The following DLG2 variants were observed in gnomAD, a reference collection of about 807,000 sequenced individuals.
DLG2 encodes discs large MAGUK scaffold protein 2, also known as disks large homolog 2.
A neutral mutation model predicts 132.5 loss-of-function variants in DLG2; 45 were observed. That is an observed-to-expected ratio of 0.34 (90% confidence interval 0.27 to 0.44). The LOEUF is 0.44. Among genes scored for constraint, DLG2 ranks in the 20% least tolerant of loss-of-function variants. The pLI is 1.00. For synonymous variants in DLG2, 424 were observed against 419.6 expected (o/e 1.01, Z -0.13); for missense variants, 1,045 against 1,196.9 (o/e 0.87, Z 1.87).
chr11:84,441,877 C>G (rs994039374), intron 7 of DLG2, among the ~76,000 whole-genome samples: 1 of 152,282 alleles, frequency 6.6e-6, no homozygotes, highest in South Asian at 2.1e-4. Flanking sequence ...AATAGGGGAT[C>G]CTTTCCCCAT....
intron 9 of DLG2, among the ~76,000 whole-genome samples, chr11:84,116,777 A>T (rs1007056245): frequency 2.0e-5 from 3 of 152,236 alleles, no homozygotes; most frequent in Non-Finnish European, 4.4e-5. Context: ...ATATATAAAC[A>T]TAAAATGACA....
At chr11:85,338,174 A>G (rs1443050096) in intron 3 of DLG2, among the ~76,000 whole-genome samples, 2 of 152,210 alleles carry the variant, frequency 1.3e-5, no homozygotes, top group Non-Finnish European at 2.9e-5. Flanking sequence ...ATCTTAAATG[A>G]AAATTATATT....
Position 83,643,184 on chromosome 11 carries a change from C to T in DLG2, c.1826-9859G>A, listed in dbSNP as rs553866898. On this transcript the variant is annotated intron_variant, in intron 18 of 27. Coordinates refer to ENST00000376104, the MANE Select transcript of DLG2 (RefSeq NM_001142699.3). ...ATGCAGTTTTTTAAAAATATCCCAA[C>T]CTGCCTACACAACTACTTCCTCTCT... Among the ~76,000 whole-genome samples the T allele has an allele frequency of 2.6e-5, 4 of 151,888 alleles. No homozygotes were observed. In the East Asian group the frequency reaches 7.8e-4, roughly 29 times the overall value.
chr11:84,930,571 T>C (rs930951204), intron 6 of DLG2, among the ~76,000 whole-genome samples: 1 of 152,076 alleles, frequency 6.6e-6, no homozygotes, highest in East Asian at 1.9e-4. Flanking sequence ...TTCCACTTAG[T>C]AGATAGTTGC....
intron 14 of DLG2, among the ~76,000 whole-genome samples, chr11:83,936,608 TGAG>T (rs1341184700): frequency 1.3e-5 from 2 of 152,232 alleles, no homozygotes; most frequent in African/African-American, 4.8e-5. Flanking sequence ...CTGTGTTTAT[TGAG>T]GAGTTTATTG....
chr11:84,937,817 A>C (rs1426150541), intron 6 of DLG2, among the ~76,000 whole-genome samples: 1 of 152,218 alleles, frequency 6.6e-6, no homozygotes, highest in Non-Finnish European at 1.5e-5. Context: ...AAAATCTATA[A>C]TATTTTGACA....
chr11:84,876,220 A>G (rs1198761270), intron 6 of DLG2, among the ~76,000 whole-genome samples: 2 of 152,136 alleles, frequency 1.3e-5, no homozygotes, highest in Non-Finnish European at 2.9e-5. Context: ...GTGTTGGCTG[A>G]TAAGAAATAA....
intron 3 of DLG2, among the ~76,000 whole-genome samples, chr11:85,496,931 C>T (rs1036416146): frequency 6.6e-6 from 1 of 152,078 alleles, no homozygotes; most frequent in African/African-American, 2.4e-5. Flanking sequence ...AAGTCATTGA[C>T]TTTAAAGACC....
At chr11:84,214,013 C>T (rs1566950327) in intron 8 of DLG2, among the ~76,000 whole-genome samples, 1 of 151,174 alleles carries the variant, frequency 6.6e-6, no homozygotes, top group African/African-American at 2.4e-5. Context: ...CTGCTGATCA[C>T]ACCCACAGAG....
chr11:84,645,451 A>G (rs2099673537), intron 6 of DLG2, among the ~76,000 whole-genome samples: 2 of 152,024 alleles, frequency 1.3e-5, no homozygotes, highest in Admixed American at 1.3e-4. Context: ...TTAAGTGACC[A>G]TCCATAATTA....
intron 6 of DLG2, among the ~76,000 whole-genome samples, chr11:84,553,454 T>TG (rs1252816657): frequency 6.6e-6 from 1 of 152,188 alleles, no homozygotes; most frequent in African/African-American, 2.4e-5. Flanking sequence ...CATGTTAGAA[T>TG]CAATACAATA....
chr11:84,531,191 G>A (rs11234068), intron 7 of DLG2, among the ~76,000 whole-genome samples: 14,132 of 152,176 alleles, frequency 0.093, 799 homozygotes, highest in South Asian at 0.17. Flanking sequence ...AGATGGAGCC[G>A]AAGGCCATTA....
At chr11:84,097,085 C>T (rs1031528731) in intron 10 of DLG2, among the ~76,000 whole-genome samples, 1 of 152,108 alleles carries the variant, frequency 6.6e-6, no homozygotes, top group Non-Finnish European at 1.5e-5. Context: ...GCTTACATTT[C>T]GCTCCTTAAG....
Position 83,467,767 on chromosome 11 carries a change from ATATG to A in DLG2, c.2620-954_2620-951del, listed in dbSNP as rs61514748. On this transcript the variant is annotated intron_variant, in intron 25 of 27. Transcript: ENST00000376104. ...TGCCATCTCAAAAAAAATAAAAACT[ATATG>A]TATATATATATATATATATATATAT... is the stretch of plus-strand genomic sequence containing the variant. Among the ~76,000 whole-genome samples the A allele has an allele frequency of 5.6e-3, 365 of 65,244 alleles. 9 individuals carry two copies. Among genetic ancestry groups the A allele is most frequent in the African/African-American group, 0.031 (336 of 11,006 alleles). 42.8% of individuals were successfully genotyped at this position (65,244 alleles called of 152,430 possible).
chr11:85,446,107 T>C (rs1253876987), intron 3 of DLG2, among the ~76,000 whole-genome samples: 3 of 152,220 alleles, frequency 2.0e-5, no homozygotes, highest in Admixed American at 6.5e-5. Flanking sequence ...AGACCCTAAA[T>C]TAATCTACCT....
intron 6 of DLG2, among the ~76,000 whole-genome samples, chr11:84,594,203 G>C (rs1317704131): frequency 6.6e-6 from 1 of 152,144 alleles, no homozygotes; most frequent in African/African-American, 2.4e-5. Context: ...AACAAGCAAT[G>C]ATCTGATTTC....
intron 6 of DLG2, among the ~76,000 whole-genome samples, chr11:84,786,490 G>A (rs558762437): frequency 5.9e-4 from 90 of 152,284 alleles, no homozygotes; most frequent in African/African-American, 1.9e-3. Context: ...AGAACTACTA[G>A]AAACTACAGG....
At chr11:83,998,949 C>G (rs55790292) in intron 11 of DLG2, among the ~76,000 whole-genome samples, 4,069 of 152,232 alleles carry the variant, frequency 0.027, 175 homozygotes, top group African/African-American at 0.093. Context: ...CTATTGGGGA[C>G]TGAAGCATAA....
intron 6 of DLG2, among the ~76,000 whole-genome samples, chr11:84,995,104 C>T (rs1211850387): frequency 6.6e-6 from 1 of 152,130 alleles, no homozygotes; most frequent in African/African-American, 2.4e-5. Flanking sequence ...AGTGCTTTCA[C>T]CATTTACTAG....
Sources: gnomAD v4.1 joint callset for allele counts (sites outside exome capture counted in the v4.1 genomes callset) on GRCh38, gnomAD v4.1.1 for gene constraint, MANE v1.5 for transcripts, NCBI Gene and HGNC (gene_info 2026-07-23, HGNC 2026-07-21) for gene names.